The following TDRP variants were observed in gnomAD, a reference collection of about 807,000 sequenced individuals.
TDRP encodes testis development related protein.
In TDRP, 12 loss-of-function variants were observed where a neutral mutation model predicts 10.5. That is an observed-to-expected ratio of 1.15 (90% CI 0.73 to 1.86). The LOEUF (loss-of-function observed/expected upper bound fraction) is 1.86, where lower values mean the gene tolerates loss of function less well. TDRP is among the 40% of genes most tolerant of loss of function. The probability of loss-of-function intolerance (pLI) is 0.00; values close to 1 mark genes in which losing one functional copy is unlikely to be tolerated. For missense variants in TDRP, 353 were observed against 229.2 expected (o/e 1.54, Z -3.49); for synonymous variants, 139 against 95.4 (o/e 1.46, Z -2.67).
intron 1 of TDRP, among the ~76,000 whole-genome samples, chr8:525,548 G>C (rs1285639610): frequency 6.6e-6 from 1 of 152,068 alleles, no homozygotes; most frequent in Non-Finnish European, 1.5e-5. Context: ...GAGAAATCAG[G>C]GGGATGAAGT....
intron 1 of TDRP, among the ~76,000 whole-genome samples, chr8:497,934 C>T (rs1801179406): frequency 6.6e-6 from 1 of 152,194 alleles, no homozygotes; most frequent in Non-Finnish European, 1.5e-5. Context: ...GTGGTTTCTA[C>T]ATGGTATTGG....
chr8:544,611 C>G (rs906278005), intron 1 of TDRP, 39 bp downstream of exon 1: 27 of 1,212,848 alleles, frequency 2.2e-5, no homozygotes, highest in South Asian at 8.0e-5. Context: ...CCTGCGCGCC[C>G]CCGGCCTACT....
chr8:539,434 T>C (rs1214309855), intron 1 of TDRP, among the ~76,000 whole-genome samples: 1 of 152,188 alleles, frequency 6.6e-6, no homozygotes, highest in African/African-American at 2.4e-5. Flanking sequence ...GCCCAGTTTA[T>C]CCTATTCTGT....
chr8:532,813 TAA>T (rs963390272), intron 1 of TDRP, among the ~76,000 whole-genome samples: 2 of 152,124 alleles, frequency 1.3e-5, no homozygotes, highest in African/African-American at 4.8e-5. Context: ...TGTTTGTAAA[TAA>T]AGTCACTATA....
At chr8:511,595 A>G (rs1463471712) in intron 1 of TDRP, among the ~76,000 whole-genome samples, 4 of 152,234 alleles carry the variant, frequency 2.6e-5, no homozygotes, top group African/African-American at 9.6e-5. Flanking sequence ...CTACAAACTA[A>G]TAAGACCTAA....
chr8:510,846 A>C (rs1158450016), intron 1 of TDRP, among the ~76,000 whole-genome samples: 10 of 152,214 alleles, frequency 6.6e-5, no homozygotes, highest in Admixed American at 6.5e-4. Flanking sequence ...GTACAGATAC[A>C]TTCTTATTTC....
At chr8:520,159 G>A (rs1348707281) in intron 1 of TDRP, among the ~76,000 whole-genome samples, 2 of 152,322 alleles carry the variant, frequency 1.3e-5, no homozygotes, top group Admixed American at 1.3e-4. Flanking sequence ...AAGCTGCTCA[G>A]TTACATGACT....
At position 491,175 on chromosome 8, in the gene TDRP, G is replaced by A. The variant is rs1800961580; in HGVS notation, c.*1224C>T. On this transcript the variant is annotated 3_prime_UTR_variant, in exon 3 of 3. Coordinates refer to ENST00000324079, the MANE Select transcript of TDRP (RefSeq NM_001384899.1). ...AAACGGAAGGAACATCCACATGCAT[G>A]AAACAGCACAGGAGTGCATGCCGAG... The A allele has an allele frequency of 6.5e-6, 1 of 154,076 alleles. No individual in the cohort carries two copies. 9.5% of individuals were successfully genotyped at this position (154,076 alleles called of 1,614,324 possible).
In TDRP at chr8:519,996, C is replaced by A. The variant is rs983968504; in HGVS notation, c.108+24654G>T. 2.0e-5 allele frequency among the ~76,000 whole-genome samples: 3 copies of A among 152,122 alleles called. No individual in the cohort carries two copies. The Middle Eastern group carries it at 0.01, about 517-fold the overall frequency. On this transcript the variant is annotated intron_variant, in intron 1 of 2. Transcript: ENST00000324079. ...CAGCTAAATAAATGCGTGTAAGGCA[C>A]AGAATGGGAAAGAAAGGGAATGGAG...
In TDRP at chr8:492,372, C is replaced by T. The variant is rs561761417; in HGVS notation, c.*27G>A. ...GTATACTCATAAAAGGCCACCATGT[C>T]GGGGCACACTTGCCACGCAGCCCCC... On this transcript the variant is annotated 3_prime_UTR_variant, in exon 3 of 3. Transcript: ENST00000324079. 16 of 1,474,544 alleles carry T rather than the reference C, an allele frequency of 1.1e-5. No individual in the cohort carries two copies. Among genetic ancestry groups the T allele is most frequent in the Admixed American group, 2.5e-5 (1 of 40,602 alleles). The allele number at this position is 1,474,544 out of a possible 1,614,324, so 91.3% of individuals were successfully genotyped here.
At chr8:527,353 C>G (rs1802061265) in intron 1 of TDRP, among the ~76,000 whole-genome samples, 1 of 151,940 alleles carries the variant, frequency 6.6e-6, no homozygotes, top group African/African-American at 2.4e-5. Context: ...AAGCAATCTA[C>G]AGATTCAATG....
chr8:515,360 G>C (rs776558400), intron 1 of TDRP, among the ~76,000 whole-genome samples: 1 of 152,174 alleles, frequency 6.6e-6, no homozygotes, highest in Non-Finnish European at 1.5e-5. Flanking sequence ...GTCTATATTA[G>C]CACACTGAAA....
chr8:514,490 T>C (rs1489647527), intron 1 of TDRP, among the ~76,000 whole-genome samples: 1 of 152,194 alleles, frequency 6.6e-6, no homozygotes, highest in Non-Finnish European at 1.5e-5. Flanking sequence ...GACAGGATGC[T>C]GAACGCAGAC....
intron 1 of TDRP, among the ~76,000 whole-genome samples, chr8:525,549 G>A (rs903496379): frequency 6.6e-6 from 1 of 152,034 alleles, no homozygotes; most frequent in African/African-American, 2.4e-5. Context: ...AGAAATCAGG[G>A]GGATGAAGTG....
chr8:525,128 G>A (rs530779619), intron 1 of TDRP, among the ~76,000 whole-genome samples: 108 of 152,298 alleles, frequency 7.1e-4, no homozygotes, highest in African/African-American at 2.4e-3. Context: ...AGGCTTTTCA[G>A]TGGAAACCTT....
At chr8:520,193 G>C (rs1801863707) in intron 1 of TDRP, among the ~76,000 whole-genome samples, 4 of 152,230 alleles carry the variant, frequency 2.6e-5, no homozygotes, top group Admixed American at 2.0e-4. Context: ...CATGTAAGTA[G>C]AACCACGCAT....
chr8:544,878 G>C, upstream of TDRP: 1 of 670,814 alleles, frequency 1.5e-6, no homozygotes, highest in Non-Finnish European at 2.1e-6. Context: ...GCCGGGCGGG[G>C]CTAGGCGGGG....
At chr8:517,447 C>G (rs2116808129) in intron 1 of TDRP, among the ~76,000 whole-genome samples, 1 of 152,232 alleles carries the variant, frequency 6.6e-6, no homozygotes, top group South Asian at 2.1e-4. Context: ...TCTCTGAAGC[C>G]TCTACCTGGA....
intron 1 of TDRP, among the ~76,000 whole-genome samples, chr8:539,039 G>A (rs1435519357): frequency 6.6e-6 from 1 of 152,052 alleles, no homozygotes; most frequent in African/African-American, 2.4e-5. Context: ...AAAGAGACTA[G>A]AAATATCCCC....
Sources: allele counts gnomAD v4.1 joint callset (sites outside exome capture counted in the v4.1 genomes callset), GRCh38; gene constraint gnomAD v4.1.1; transcripts MANE v1.5; gene names NCBI Gene and HGNC (gene_info 2026-07-23, HGNC 2026-07-21).